The following AGBL1 variants were observed in gnomAD, a reference collection of about 807,000 sequenced individuals.
AGBL1 encodes the protein cytosolic carboxypeptidase 4.
In AGBL1, 130 loss-of-function variants were observed where a neutral mutation model predicts 118.9. The ratio of observed to expected loss-of-function variants is 1.09; its 90% CI spans 0.95 to 1.26. The LOEUF (loss-of-function observed/expected upper bound fraction) is 1.26, where lower values mean the gene tolerates loss of function less well. AGBL1 is among the 50% of genes most tolerant of loss of function. The pLI, the probability that AGBL1 is intolerant of heterozygous loss-of-function variation, is 0.00. For missense variants in AGBL1, 1,584 were observed against 1,298.1 expected, an observed-to-expected ratio of 1.22 and a Z score of -3.38; for synonymous variants, 555 against 478.9, an observed-to-expected ratio of 1.16 and a Z score of -2.08.
At chr15:87,000,853 C>T (rs1430382188) in intron 24 of AGBL1, among the ~76,000 whole-genome samples, 8 of 147,782 alleles carry the variant, frequency 5.4e-5, no homozygotes, top group Admixed American at 3.4e-4. Context: ...ATTCTTCCTA[C>T]CCATGAGCAT....
chr15:86,640,454 A>C (rs2142465908), intron 21 of AGBL1, among the ~76,000 whole-genome samples: 1 of 152,314 alleles, frequency 6.6e-6, no homozygotes, highest in South Asian at 2.1e-4. Flanking sequence ...TTAATATATA[A>C]TACATGCATA....
chr15:86,756,621 G>C (rs1357996497), intron 22 of AGBL1, among the ~76,000 whole-genome samples: 1 of 152,056 alleles, frequency 6.6e-6, no homozygotes, highest in Non-Finnish European at 1.5e-5. Flanking sequence ...GAGTTCTGAG[G>C]GTGAGAGAAG....
At chr15:87,027,798 C>A (rs547030220) in intron 24 of AGBL1, among the ~76,000 whole-genome samples, 1 of 151,862 alleles carries the variant, frequency 6.6e-6, no homozygotes, top group Non-Finnish European at 1.5e-5. Context: ...AGCCAAACAC[C>A]ATGTGTTCTC....
rs143313132 is a variant in AGBL1, at chr15:86,832,600, T to A, written c.3159-74487T>A. ...GCCAAAACATAGAAAGAGTCACACT[T>A]TTGCTTCAGTTTCCAAAAAGTTCCT... On this transcript the variant is annotated intron_variant, in intron 22 of 22. Transcript: ENST00000614907. Among the ~76,000 whole-genome samples the A allele has an allele frequency of 1.8e-4, 28 of 152,302 alleles. 1 individual carries two copies. Among genetic ancestry groups the A allele is most frequent in the African/African-American group, 5.8e-4 (24 of 41,576 alleles).
chr15:86,133,479 A>T (rs1466187350), intron 1 of AGBL1, among the ~76,000 whole-genome samples: 1 of 152,208 alleles, frequency 6.6e-6, no homozygotes, highest in African/African-American at 2.4e-5. Flanking sequence ...ACTCTGCACA[A>T]TACATCCCTC....
intron 24 of AGBL1, among the ~76,000 whole-genome samples, chr15:87,011,743 A>T (rs1385186029): frequency 1.3e-5 from 2 of 152,182 alleles, no homozygotes; most frequent in Admixed American, 6.5e-5. Context: ...GTATTTTCTG[A>T]GATATTTGCT....
At chr15:86,523,088 C>A in intron 19 of AGBL1, 149 bp downstream of exon 19, 1 of 928,216 alleles carries the variant, frequency 1.1e-6, no homozygotes, top group Non-Finnish European at 1.7e-6. Flanking sequence ...CATTGACTTC[C>A]TGGGCTGCTG....
Position 86,478,792 on chromosome 15 carries a change from A to T in AGBL1, c.2556-44018A>T, listed in dbSNP as rs1408046518. On this transcript the variant is annotated intron_variant, in intron 18 of 22. Transcript: ENST00000614907. ...ATTGCCAAGACAATCCTAAGCCAAA[A>T]GAACAAAGCTGGAGGCATCTCACTA... 5.3e-5 allele frequency among the ~76,000 whole-genome samples: 8 copies of T among 152,210 alleles called. No homozygotes were observed. In the South Asian group the frequency reaches 1.0e-3, roughly 20 times the overall value.
intron 22 of AGBL1, among the ~76,000 whole-genome samples, chr15:86,780,398 T>C (rs1307672531): frequency 3.9e-5 from 6 of 152,224 alleles, no homozygotes; most frequent in African/African-American, 1.2e-4. Flanking sequence ...CAATATCTTA[T>C]TGGGTATGTC....
chr15:86,993,539 G>A (rs2081352249), intron 24 of AGBL1, among the ~76,000 whole-genome samples: 2 of 152,134 alleles, frequency 1.3e-5, no homozygotes, highest in Non-Finnish European at 2.9e-5. Flanking sequence ...CACTGGCAGG[G>A]AGTCTGAGGG....
chr15:86,445,586 C>T (rs1436927855), intron 18 of AGBL1, among the ~76,000 whole-genome samples: 6 of 152,212 alleles, frequency 3.9e-5, no homozygotes, highest in African/African-American at 1.4e-4. Flanking sequence ...TGCCTGCTAG[C>T]GAGTGTGGTA....
At chr15:86,692,843 G>C (rs1478683569) in intron 22 of AGBL1, among the ~76,000 whole-genome samples, 1 of 152,096 alleles carries the variant, frequency 6.6e-6, no homozygotes, top group Admixed American at 6.6e-5. Context: ...CCACTTATGA[G>C]TGAGAACATA....
At chr15:86,666,129 T>C (rs1420564152) in intron 21 of AGBL1, among the ~76,000 whole-genome samples, 2 of 152,126 alleles carry the variant, frequency 1.3e-5, no homozygotes, top group African/African-American at 4.8e-5. Context: ...TCCTATGCTT[T>C]GATAGACTAA....
At chr15:86,901,894 T>C (rs28758715) in intron 22 of AGBL1, among the ~76,000 whole-genome samples, 18,204 of 152,096 alleles carry the variant, frequency 0.12, 1,774 homozygotes, top group African/African-American at 0.28. Flanking sequence ...ATTAAAGTTT[T>C]AGCTGGTTAA....
chr15:86,348,340 T>C (rs2080571735), intron 17 of AGBL1, among the ~76,000 whole-genome samples: 1 of 152,274 alleles, frequency 6.6e-6, no homozygotes, highest in East Asian at 1.9e-4. Context: ...CTACTGTGTT[T>C]TCACCTTAGT....
chr15:86,844,795 G>C (rs1381568389), intron 22 of AGBL1, among the ~76,000 whole-genome samples: 2 of 152,070 alleles, frequency 1.3e-5, no homozygotes, highest in African/African-American at 4.8e-5. Context: ...CCAAAGTAAT[G>C]AAAATTTTGT....
At chr15:86,976,325 T>G (rs991950535) in intron 23 of AGBL1, among the ~76,000 whole-genome samples, 1 of 151,598 alleles carries the variant, frequency 6.6e-6, no homozygotes, top group Non-Finnish European at 1.5e-5. Flanking sequence ...AATTTTTTAT[T>G]ACAACTTAGA....
intron 22 of AGBL1, among the ~76,000 whole-genome samples, chr15:86,852,866 C>G (rs1038268674): frequency 6.6e-6 from 1 of 152,174 alleles, no homozygotes; most frequent in Non-Finnish European, 1.5e-5. Flanking sequence ...TTAGAATCAA[C>G]TGGGGAACTT....
intron 4 of AGBL1, among the ~76,000 whole-genome samples, chr15:86,155,966 G>C (rs1287534619): frequency 6.6e-6 from 1 of 151,694 alleles, no homozygotes; most frequent in Non-Finnish European, 1.5e-5. Flanking sequence ...CTTTTGCCTA[G>C]GCTGGAGTGC....
Sources: allele counts gnomAD v4.1 joint callset (sites outside exome capture counted in the v4.1 genomes callset), GRCh38; gene constraint gnomAD v4.1.1; transcripts MANE v1.5; gene names NCBI Gene and HGNC (gene_info 2026-07-23, HGNC 2026-07-21).